The following ASB3 variants were observed in gnomAD, a reference collection of about 807,000 sequenced individuals.
The protein encoded by ASB3 is ankyrin repeat and SOCS box protein 3.
Under a neutral mutation model 54.5 loss-of-function variants are expected in ASB3, and 41 were observed. That is an observed-to-expected ratio of 0.75 (90% confidence interval 0.59 to 0.98). ASB3 has a LOEUF of 0.98. ASB3 is among the 50% of genes least tolerant of loss of function. The probability of loss-of-function intolerance (pLI) is 0.00; values close to 1 mark genes in which losing one functional copy is unlikely to be tolerated. For synonymous variants in ASB3, 266 were observed against 221.2 expected, an observed-to-expected ratio of 1.20 and a Z score of -1.80; for missense variants, 733 against 620.0, an observed-to-expected ratio of 1.18 and a Z score of -1.94.
At chr2:53,774,808 C>A (rs111907231) in intron 1 of ASB3, 96 of 254,002 alleles carry the variant, frequency 3.8e-4, no homozygotes, top group African/African-American at 2.0e-3. Flanking sequence ...TTGTTTTTAT[C>A]AGAGTGATAA....
intron 3 of ASB3, among the ~76,000 whole-genome samples, chr2:53,739,302 T>C (rs1174832371): frequency 6.6e-6 from 1 of 152,110 alleles, no homozygotes; most frequent in Non-Finnish European, 1.5e-5. Flanking sequence ...ATGCAACATA[T>C]TGAGTACAGT....
chr2:53,728,583 T>C (rs945679999), intron 5 of ASB3, 129 bp downstream of exon 5: 13 of 1,233,538 alleles, frequency 1.1e-5, no homozygotes, highest in Non-Finnish European at 1.4e-5. Context: ...GTATTTACTC[T>C]TATTTACCAC....
At chr2:53,775,502 T>C (rs1315792614) in intron 1 of ASB3, among the ~76,000 whole-genome samples, 1 of 152,070 alleles carries the variant, frequency 6.6e-6, no homozygotes, top group East Asian at 1.9e-4. Context: ...TGAGACGGAG[T>C]ATCGCTCTGT....
rs115323080 is a variant in ASB3, at chr2:53,699,769, T to G, written c.1238+502A>C. Among the ~76,000 whole-genome samples, 1,008 of 152,290 alleles carry G rather than the reference T, an allele frequency of 6.6e-3. 4 individuals are homozygous for G. Among genetic ancestry groups the G allele is most frequent in the Middle Eastern group, 0.017 (5 of 294 alleles). On this transcript the variant is annotated intron_variant, in intron 8 of 9. Coordinates refer to ENST00000263634, the MANE Select transcript of ASB3 (RefSeq NM_016115.5). Reference sequence around the variant, plus strand: ...CCAAAAAATTCTGACTCGGCGTTTGTATAATCTCTCACTGAGGGTTGCCCT... The same window carrying G: ...CCAAAAAATTCTGACTCGGCGTTTGGATAATCTCTCACTGAGGGTTGCCCT...
At chr2:53,764,681 GT>G (rs1673337447) in intron 2 of ASB3, among the ~76,000 whole-genome samples, 1 of 152,206 alleles carries the variant, frequency 6.6e-6, no homozygotes, top group African/African-American at 2.4e-5. Context: ...TATAGCACTG[GT>G]TTGTAGCACT....
chr2:53,757,807 G>A (rs1448484784), intron 2 of ASB3, among the ~76,000 whole-genome samples: 2 of 152,152 alleles, frequency 1.3e-5, no homozygotes, highest in Non-Finnish European at 2.9e-5. Context: ...AAATGGCTAG[G>A]AGGATTGCTC....
intron 3 of ASB3, among the ~76,000 whole-genome samples, chr2:53,737,724 GAAAAA>G (rs543660229): frequency 1.6e-5 from 1 of 63,884 alleles, no homozygotes; most frequent in South Asian, 5.3e-4. Flanking sequence ...TTTAAAAAAG[GAAAAA>G]AAAAAAAAAA....
intron 9 of ASB3, among the ~76,000 whole-genome samples, chr2:53,682,370 A>G (rs1450107031): frequency 6.6e-6 from 1 of 152,078 alleles, no homozygotes; most frequent in Non-Finnish European, 1.5e-5. Context: ...TACAGCTTTC[A>G]TTGTAGAGAT....
chr2:53,699,262 T>C (rs1669351934), intron 8 of ASB3, among the ~76,000 whole-genome samples: 1 of 152,146 alleles, frequency 6.6e-6, no homozygotes, highest in African/African-American at 2.4e-5. Flanking sequence ...CTCCCAAATA[T>C]CTCACCTCCA....
At chr2:53,768,221 G>A in intron 1 of ASB3, 1 of 585,084 alleles carries the variant, frequency 1.7e-6, no homozygotes, top group East Asian at 3.0e-5. Flanking sequence ...TTCCGAAGCT[G>A]CTTAAGATGC....
At chr2:53,727,814 C>G (rs1326880822) in intron 5 of ASB3, among the ~76,000 whole-genome samples, 1 of 152,154 alleles carries the variant, frequency 6.6e-6, no homozygotes, top group Non-Finnish European at 1.5e-5. Flanking sequence ...CAACCTCTGC[C>G]TCCCAGGTTC....
intron 8 of ASB3, among the ~76,000 whole-genome samples, 182 bp downstream of exon 8, chr2:53,700,089 C>T (rs1439939064): frequency 1.3e-5 from 2 of 152,138 alleles, no homozygotes; most frequent in Non-Finnish European, 2.9e-5. Context: ...CTTATCTTTT[C>T]CCAGGACTCT....
intron 2 of ASB3, among the ~76,000 whole-genome samples, chr2:53,752,208 T>C (rs954821700): frequency 1.3e-5 from 2 of 152,250 alleles, no homozygotes; most frequent in Admixed American, 6.5e-5. Flanking sequence ...GCTTGTTTTA[T>C]ACTTGATAAA....
chr2:53,729,669 C>A, intron 3 of ASB3, 99 bp from the exon 4 acceptor site: 1 of 929,370 alleles, frequency 1.1e-6, no homozygotes. Context: ...ACCTCAGAAC[C>A]ACAATGCTCT....
intron 7 of ASB3, among the ~76,000 whole-genome samples, chr2:53,706,288 T>C (rs1370831390): frequency 6.6e-6 from 1 of 152,234 alleles, no homozygotes; most frequent in Non-Finnish European, 1.5e-5. Flanking sequence ...TAATCTGATA[T>C]AATTATTGAT....
At chr2:53,764,121 T>C (rs988268041) in intron 2 of ASB3, among the ~76,000 whole-genome samples, 4 of 152,056 alleles carry the variant, frequency 2.6e-5, no homozygotes, top group Non-Finnish European at 5.9e-5. Flanking sequence ...GGTAACAAAT[T>C]AGTAGTTCTG....
At position 53,776,751 on chromosome 2, in the gene ASB3, C is replaced by T. The variant is rs11901646; in HGVS notation, c.-14+10070G>A. ...GAACTATTGCCTGAACCCAGGAGTT[C>T]GAGGCTGCAGTGAGCCATGATCACA... On this transcript the variant is annotated intron_variant, in intron 1 of 9. Transcript: ENST00000263634. Among the ~76,000 whole-genome samples the T allele has an allele frequency of 9.8e-3, 1,490 of 152,154 alleles. 18 individuals carry two copies. Among genetic ancestry groups the T allele is most frequent in the African/African-American group, 0.034 (1,392 of 41,512 alleles).
chr2:53,744,574 GTCC>G (rs1292661897), intron 3 of ASB3, among the ~76,000 whole-genome samples: 1 of 151,810 alleles, frequency 6.6e-6, no homozygotes, highest in Non-Finnish European at 1.5e-5. Context: ...TAAAGAACAT[GTCC>G]TCAAGTAAAA....
chr2:53,786,676 A>C (rs1675032220), intron 1 of ASB3, 145 bp downstream of exon 1: 1 of 153,142 alleles, frequency 6.5e-6, no homozygotes, highest in African/African-American at 2.4e-5. Flanking sequence ...GCTACTTCGA[A>C]TTTTCTCATC....
Sources: gnomAD v4.1 joint callset for allele counts (sites outside exome capture counted in the v4.1 genomes callset) on GRCh38, gnomAD v4.1.1 for gene constraint, MANE v1.5 for transcripts, NCBI Gene and HGNC (gene_info 2026-07-23, HGNC 2026-07-21) for gene names.